AXDND1: variants seen among roughly 807,000 people sequenced by gnomAD.
AXDND1 encodes the protein axonemal dynein light chain domain containing 1, also known as axonemal dynein light chain domain-containing protein 1.
Under a neutral mutation model 137.5 loss-of-function variants are expected in AXDND1, and 110 were observed. That is an observed-to-expected ratio of 0.80 (90% CI 0.69 to 0.94). AXDND1 has a LOEUF of 0.94. Ranked by LOEUF, AXDND1 falls within the 40% of genes least tolerant of loss-of-function variation. AXDND1 has a pLI of 0.00. For missense variants in AXDND1, 1,191 were observed against 1,169.8 expected (o/e 1.02, Z -0.26); for synonymous variants, 414 against 399.7 (o/e 1.04, Z -0.43).
At chr1:179,550,953 T>A (rs917575907) in intron 25 of AXDND1, 4 of 591,874 alleles carry the variant, frequency 6.8e-6, no homozygotes, top group Admixed American at 2.9e-5. Context: ...TTCCCATAAT[T>A]GCTCTGACTA....
rs1220400807 is a variant in AXDND1 at position 179,445,029 on chromosome 1, T to G, written c.1623T>G (p.Thr541=). The G allele has an allele frequency of 8.1e-6, 13 of 1,613,098 alleles. No homozygotes were observed. The highest frequency in any genetic ancestry group is 1.1e-5 in the Non-Finnish European group (13 of 1,179,330). ...TGDVLLSKYD[T]LKIIKHLQEN... is the part of the protein sequence containing the mutation. ...ATGTTCTACTGTCAAAATACGATAC[T>G]CTCAAGATTATTAAACATTTACAGG... Residue 541 remains threonine (T), a synonymous_variant, in exon 16 of 26, where the codon ACT becomes ACG. Transcript: ENST00000367618.
chr1:179,471,562 C>T (rs951385924), intron 17 of AXDND1, among the ~76,000 whole-genome samples: 1 of 152,182 alleles, frequency 6.6e-6, no homozygotes, highest in Non-Finnish European at 1.5e-5. Flanking sequence ...TCCCTTCTCT[C>T]GTTTCCAATT....
At chr1:179,526,360 GTTTATA>G (rs1473834389) in intron 22 of AXDND1, among the ~76,000 whole-genome samples, 2 of 152,026 alleles carry the variant, frequency 1.3e-5, no homozygotes, top group Non-Finnish European at 2.9e-5. Flanking sequence ...CAACTTCAAG[GTTTATA>G]TTATTGCCCC....
intron 15 of AXDND1, among the ~76,000 whole-genome samples, chr1:179,437,344 G>C (rs116208458): frequency 7.2e-5 from 11 of 152,272 alleles, no homozygotes; most frequent in Non-Finnish European, 1.6e-4. Flanking sequence ...TTGGTTCTCA[G>C]CAGGCTTGCG....
intron 4 of AXDND1, among the ~76,000 whole-genome samples, chr1:179,371,651 G>T (rs1245244460): frequency 6.6e-6 from 1 of 152,164 alleles, no homozygotes; most frequent in Admixed American, 6.5e-5. Context: ...TAGATTGTCA[G>T]GGTGGGCCCA....
intron 11 of AXDND1, among the ~76,000 whole-genome samples, chr1:179,404,858 A>G (rs563037332): frequency 6.6e-6 from 1 of 151,262 alleles, no homozygotes; most frequent in African/African-American, 2.4e-5. Context: ...GTTGTGTACA[A>G]TTCAGCAGTA....
chr1:179,528,340 C>T lies in AXDND1; in HGVS notation c.2624C>T (p.Ser875Phe). 1 of 1,613,260 alleles carries T rather than the reference C, an allele frequency of 6.2e-7. No individual in the cohort carries two copies. The highest frequency in any genetic ancestry group is 8.5e-7 in the Non-Finnish European group (1 of 1,179,284). Residue 875 changes from serine to phenylalanine, a missense_variant, in exon 23 of 26, where the codon TCT becomes TTT. Ser to Phe is a radical substitution (Grantham distance 155, BLOSUM62 -2). Coordinates refer to ENST00000367618, the MANE Select transcript of AXDND1 (RefSeq NM_144696.6). The stretch of plus-strand genomic sequence containing the variant: ...TCTGTGTTCTAGCAACCTTCAACAT[C>T]TACAGAGAAGGAAAAACTCATTCGA... Reference protein sequence around the residue: ...KERAEEQPSTSTEKEKLIRFI... With the variant: ...KERAEEQPSTFTEKEKLIRFI...
intron 11 of AXDND1, among the ~76,000 whole-genome samples, chr1:179,399,380 G>A (rs576887658): frequency 6.6e-6 from 1 of 152,272 alleles, no homozygotes; most frequent in Admixed American, 6.5e-5. Flanking sequence ...ACCGCATGTA[G>A]GAGAATGATA....
At chr1:179,371,406 C>T (rs966529168) in intron 4 of AXDND1, among the ~76,000 whole-genome samples, 5 of 151,890 alleles carry the variant, frequency 3.3e-5, no homozygotes, top group African/African-American at 4.8e-5. Flanking sequence ...CCAGCCTGGG[C>T]GACCCAGCGA....
At chr1:179,525,808 T>TAC (rs71114533) in intron 22 of AXDND1, among the ~76,000 whole-genome samples, 15,759 of 151,442 alleles carry the variant, frequency 0.1, 1,139 homozygotes, top group East Asian at 0.35. Context: ...TATATATATA[T>TAC]ACACAGACAT....
chr1:179,429,567 A>G lies in AXDND1; in HGVS notation c.1280A>G (p.Glu427Gly), dbSNP rs778075638. 10 of 1,577,038 alleles carry G rather than the reference A, an allele frequency of 6.3e-6. No individual in the cohort carries two copies. Among genetic ancestry groups the G allele is most frequent in the Non-Finnish European group, 2.6e-6 (3 of 1,164,588 alleles). ...VILARRLYLN[E>G]KGWNKYTKHF... ...TTGGCTAGAAGACTTTACCTTAATG[A>G]AAAAGGCTGGAATAAATACACTAAG... The change falls in exon 13 of 26, where the codon GAA becomes GGA. Residue 427 changes from glutamate (E) to glycine (G), a missense_variant. Transcript: ENST00000367618.
At chr1:179,454,152 A>G (rs2125408136) in intron 16 of AXDND1, 1 of 152,370 alleles carries the variant, frequency 6.6e-6, no homozygotes, top group South Asian at 2.1e-4. Flanking sequence ...GTCCCCACCC[A>G]GATCTCATCT....
At chr1:179,539,266 TG>T (rs1393632434) in intron 25 of AXDND1, among the ~76,000 whole-genome samples, 7 of 152,250 alleles carry the variant, frequency 4.6e-5, no homozygotes, top group Non-Finnish European at 1.0e-4. Flanking sequence ...CATTAGTTGA[TG>T]CAGTTTCTTC....
chr1:179,506,948 C>A, intron 20 of AXDND1: 1 of 964,298 alleles, frequency 1.0e-6, no homozygotes, highest in Non-Finnish European at 1.2e-6. Flanking sequence ...CCCCAGCTTT[C>A]CTTCCTTATG....
intron 12 of AXDND1, 146 bp downstream of exon 12, chr1:179,411,412 T>G: frequency 9.3e-7 from 1 of 1,077,738 alleles, no homozygotes; most frequent in Non-Finnish European, 1.3e-6. Flanking sequence ...TGATGTGATC[T>G]CGGCTCACTG....
intron 9 of AXDND1, among the ~76,000 whole-genome samples, chr1:179,391,454 C>T (rs927716388): frequency 2.0e-5 from 3 of 151,824 alleles, no homozygotes; most frequent in Non-Finnish European, 4.4e-5. Flanking sequence ...TCATGAGGGC[C>T]GTTTCCCTCA....
chr1:179,386,082 C>T (rs1411101418), intron 9 of AXDND1, among the ~76,000 whole-genome samples: 10 of 126,692 alleles, frequency 7.9e-5, no homozygotes, highest in Middle Eastern at 6.4e-3. Flanking sequence ...GAGACAGTCT[C>T]GCTCTGTCGC....
At chr1:179,431,670 T>C (rs1187013856) in intron 14 of AXDND1, among the ~76,000 whole-genome samples, 2 of 152,050 alleles carry the variant, frequency 1.3e-5, no homozygotes, top group South Asian at 2.1e-4. Context: ...GTTTCCCCAT[T>C]AGTAGATTTG....
intron 17 of AXDND1, among the ~76,000 whole-genome samples, chr1:179,475,688 A>C (rs911123220): frequency 6.6e-6 from 1 of 152,152 alleles, no homozygotes; most frequent in Non-Finnish European, 1.5e-5. Context: ...GAGATGTTGC[A>C]CTGTGGACTT....
Sources: gnomAD v4.1 joint callset for allele counts (sites outside exome capture counted in the v4.1 genomes callset) on GRCh38, gnomAD v4.1.1 for gene constraint, MANE v1.5 for transcripts, NCBI Gene and HGNC (gene_info 2026-07-23, HGNC 2026-07-21) for gene names.